PRKN: variants seen among roughly 807,000 people sequenced by gnomAD.
PRKN encodes the protein E3 ubiquitin-protein ligase parkin.
A neutral mutation model predicts 59.5 loss-of-function variants in PRKN; 56 were observed. That is an observed-to-expected ratio of 0.94 (90% CI 0.76 to 1.18). The LOEUF (loss-of-function observed/expected upper bound fraction) is 1.18. Ranked by LOEUF, PRKN falls within the 50% of genes most tolerant of loss-of-function variation. The pLI is 0.00. For synonymous variants in PRKN, 250 were observed against 222.1 expected (o/e 1.13, Z -1.12); for missense variants, 657 against 596.4 (o/e 1.10, Z -1.06).
intron 4 of PRKN, among the ~76,000 whole-genome samples, chr6:162,099,306 G>GT (rs1184674077): frequency 6.6e-6 from 1 of 152,076 alleles, no homozygotes; most frequent in Non-Finnish European, 1.5e-5. Context: ...TAAAAGTAGG[G>GT]TTTTTTCCTA....
intron 7 of PRKN, among the ~76,000 whole-genome samples, chr6:161,605,507 CCTCT>C (rs1315789247): frequency 7.0e-6 from 1 of 142,374 alleles, no homozygotes; most frequent in Non-Finnish European, 1.5e-5. Context: ...AAGGGGCTGC[CCTCT>C]CTCTTTTTTT....
At chr6:162,580,509 G>A (rs1490954047) in intron 1 of PRKN, among the ~76,000 whole-genome samples, 1 of 151,344 alleles carries the variant, frequency 6.6e-6, no homozygotes, top group African/African-American at 2.4e-5. Context: ...ATTTAGGTGT[G>A]ACCAATCTAG....
At chr6:162,665,562 C>A (rs1473973471) in intron 1 of PRKN, among the ~76,000 whole-genome samples, 2 of 152,078 alleles carry the variant, frequency 1.3e-5, no homozygotes, top group Non-Finnish European at 2.9e-5. Flanking sequence ...AAATATTCTA[C>A]CCTCATGGAT....
Position 162,236,710 on chromosome 6 carries a change from G to A in PRKN, c.412+25815C>T, listed in dbSNP as rs62429396. The stretch of plus-strand genomic sequence containing the variant: ...CTCAGGAGGCTAAGGCAGGAGCATC[G>A]CTTGAACCTGGGACGCAGAGGTTGC... On this transcript the variant is annotated intron_variant, in intron 3 of 11. Coordinates refer to ENST00000366898, the MANE Select transcript of PRKN (RefSeq NM_004562.3). Among the ~76,000 whole-genome samples the A allele has an allele frequency of 2.3e-3, 356 of 152,120 alleles. 2 individuals are homozygous for A. Among genetic ancestry groups the A allele is most frequent in the Middle Eastern group, 0.01 (3 of 294 alleles).
intron 1 of PRKN, among the ~76,000 whole-genome samples, chr6:162,599,224 A>G (rs750866792): frequency 1.3e-5 from 2 of 152,170 alleles, no homozygotes; most frequent in African/African-American, 2.4e-5. Context: ...CAGTTAAGAA[A>G]CAATGAGTGG....
intron 1 of PRKN, among the ~76,000 whole-genome samples, chr6:162,593,682 A>T (rs1781390932): frequency 6.6e-6 from 1 of 152,156 alleles, no homozygotes; most frequent in African/African-American, 2.4e-5. Context: ...GGCCCAGAGG[A>T]AGGGCAACTG....
intron 7 of PRKN, among the ~76,000 whole-genome samples, chr6:161,733,044 C>T (rs966299117): frequency 6.6e-6 from 1 of 152,046 alleles, no homozygotes; most frequent in African/African-American, 2.4e-5. Flanking sequence ...AAAACAAAAA[C>T]AAAAAGAAAA....
chr6:162,301,139 CT>C, intron 2 of PRKN, among the ~76,000 whole-genome samples: 1 of 152,004 alleles, frequency 6.6e-6, no homozygotes, highest in South Asian at 2.1e-4. Context: ...AATGCAAAAA[CT>C]TTTTTAAACC....
chr6:161,505,096 C>T, intron 9 of PRKN, among the ~76,000 whole-genome samples: 1 of 152,046 alleles, frequency 6.6e-6, no homozygotes, highest in African/African-American at 2.4e-5. Flanking sequence ...TGAGGAATCG[C>T]CACACTGACT....
chr6:162,488,309 T>C (rs941218292), intron 1 of PRKN, among the ~76,000 whole-genome samples: 1 of 152,146 alleles, frequency 6.6e-6, no homozygotes, highest in Admixed American at 6.5e-5. Flanking sequence ...CTATGCCTGA[T>C]CCTATTTGGA....
chr6:161,499,415 T>C lies in PRKN; in HGVS notation c.1083+49439A>G, dbSNP rs1777874972. ...AGAGTGTATTTCTTTGTGGAGTGCATAATTCTCCTAAGTATGAAAGTGAAA... is the reference window on the plus strand; with the variant it reads ...AGAGTGTATTTCTTTGTGGAGTGCACAATTCTCCTAAGTATGAAAGTGAAA... On this transcript the variant is annotated intron_variant, in intron 9 of 11. Transcript: ENST00000366898. The surrounding 1 kb of genome is among the most constrained non-coding windows in gnomAD (Gnocchi z 4.2). Among the ~76,000 whole-genome samples the C allele has an allele frequency of 6.6e-6, 1 of 152,160 alleles. No homozygotes were observed. The highest frequency in any genetic ancestry group is 1.5e-5 in the Non-Finnish European group (1 of 68,024).
chr6:162,201,209 G>A lies in PRKN; in HGVS notation c.456C>T (p.Gly152=), dbSNP rs763541235. 3.1e-6 allele frequency: 5 copies of A among 1,613,884 alleles called. No homozygotes were observed. Among genetic ancestry groups the A allele is most frequent in the Non-Finnish European group, 4.2e-6 (5 of 1,179,776 alleles). ...IYNSFYVYCK[G]PCQRVQPGKL... ...TTCCCGGCTGCACTCTTTGACAGGG[G>A]CCTTTGCAATACACATAAAAGCTGT... Residue 152 remains glycine, a synonymous_variant, in exon 4 of 12, where the codon GGC becomes GGT. Transcript: ENST00000366898.
chr6:162,187,908 C>T (rs1184018400), intron 4 of PRKN, among the ~76,000 whole-genome samples: 2 of 152,070 alleles, frequency 1.3e-5, no homozygotes, highest in Non-Finnish European at 1.5e-5. Context: ...TTGGCTGTGT[C>T]CCCACCCAAA....
At chr6:161,906,793 G>A (rs1008300841) in intron 6 of PRKN, among the ~76,000 whole-genome samples, 1 of 151,854 alleles carries the variant, frequency 6.6e-6, no homozygotes, top group African/African-American at 2.4e-5. Flanking sequence ...CCTTCAGTCT[G>A]TGGTTTAAGG....
chr6:162,566,047 A>G lies in PRKN; in HGVS notation c.8-122574T>C, dbSNP rs1014832215. 6.6e-5 allele frequency among the ~76,000 whole-genome samples: 10 copies of G among 152,280 alleles called. No individual in the cohort carries two copies. The East Asian group carries it at 9.7e-4, about 15-fold the overall frequency. On this transcript the variant is annotated intron_variant, in intron 1 of 11. Transcript: ENST00000366898. Reference sequence around the variant, plus strand: ...AAGACGATATAAGAACTTTAAATATATATGCACCCAACACTGGAGCACCCA... The same window carrying G: ...AAGACGATATAAGAACTTTAAATATGTATGCACCCAACACTGGAGCACCCA...
rs893279715 is a variant in PRKN, at chr6:162,601,169, C to A, written c.7+126493G>T. 2.0e-5 allele frequency among the ~76,000 whole-genome samples: 3 copies of A among 152,176 alleles called. No individual in the cohort carries two copies. The South Asian group carries it at 6.2e-4, about 32-fold the overall frequency. On this transcript the variant is annotated intron_variant, in intron 1 of 11. Transcript: ENST00000366898. ...CACATGTCAAGAGGGCAAAAGCATGCGCGTCAGCTTGGGCCTCTCTTCTTC... is the reference window on the plus strand; with the variant it reads ...CACATGTCAAGAGGGCAAAAGCATGAGCGTCAGCTTGGGCCTCTCTTCTTC...
intron 1 of PRKN, among the ~76,000 whole-genome samples, chr6:162,672,734 AT>A: frequency 6.6e-6 from 1 of 151,030 alleles, no homozygotes; most frequent in South Asian, 2.1e-4. Context: ...ATGTGTATAG[AT>A]ATACAGACAC....
intron 4 of PRKN, among the ~76,000 whole-genome samples, chr6:162,109,417 G>A (rs745904763): frequency 3.9e-5 from 6 of 152,202 alleles, no homozygotes; most frequent in Non-Finnish European, 7.3e-5. Context: ...TGCATGTGCA[G>A]AAATTCAGGA....
intron 1 of PRKN, among the ~76,000 whole-genome samples, chr6:162,639,364 G>A (rs1777872093): frequency 6.6e-6 from 1 of 152,118 alleles, no homozygotes; most frequent in Non-Finnish European, 1.5e-5. Flanking sequence ...TATACACTTA[G>A]TAATTAATGA....
Sources: allele counts gnomAD v4.1 joint callset (sites outside exome capture counted in the v4.1 genomes callset), GRCh38; gene constraint gnomAD v4.1.1; non-coding constraint Gnocchi (gnomAD v3.1); transcripts MANE v1.5; gene names NCBI Gene and HGNC (gene_info 2026-07-23, HGNC 2026-07-21).